The following NEDD4L variants were observed in gnomAD, a reference collection of about 807,000 sequenced individuals.
The protein encoded by NEDD4L is NEDD4 like E3 ubiquitin protein ligase, also known as E3 ubiquitin-protein ligase NEDD4-like.
A neutral mutation model predicts 148.9 loss-of-function variants in NEDD4L; 54 were observed. That is an observed-to-expected ratio of 0.36 (90% CI 0.29 to 0.45). NEDD4L has a LOEUF of 0.45. NEDD4L is among the 20% of genes least tolerant of loss of function. The probability of loss-of-function intolerance (pLI) is 1.00; values close to 1 mark genes in which losing one functional copy is unlikely to be tolerated. For synonymous variants in NEDD4L, 433 were observed against 440.7 expected (o/e 0.98, Z 0.22); for missense variants, 856 against 1,233.8 (o/e 0.69, Z 4.59).
At chr18:58,293,231 G>A (rs1007873941) in intron 5 of NEDD4L, among the ~76,000 whole-genome samples, 7 of 152,338 alleles carry the variant, frequency 4.6e-5, no homozygotes, top group Admixed American at 2.0e-4. Flanking sequence ...GTTTCTTCAG[G>A]TGGGGGGATA....
At chr18:58,142,835 A>AT (rs5825265) in intron 1 of NEDD4L, among the ~76,000 whole-genome samples, 30 of 151,132 alleles carry the variant, frequency 2.0e-4, no homozygotes, top group Non-Finnish European at 2.4e-4. Context: ...ACCTTTTATC[A>AT]TTTTTTTTTC....
At chr18:58,079,121 G>A (rs1287646571) in intron 1 of NEDD4L, among the ~76,000 whole-genome samples, 1 of 152,192 alleles carries the variant, frequency 6.6e-6, no homozygotes, top group African/African-American at 2.4e-5. Context: ...ATAACCAGCA[G>A]GTCCTGCTGA....
rs759228171 is a variant in NEDD4L, at chr18:58,115,229, TTTTCTTTC to T, written c.49-50547_49-50540del. Among the ~76,000 whole-genome samples the T allele has an allele frequency of 6.0e-5, 9 of 149,114 alleles. No homozygotes were observed. In the South Asian group the frequency reaches 1.5e-3, roughly 24 times the overall value. On this transcript the variant is annotated intron_variant, in intron 1 of 30. Transcript: ENST00000400345. ...TTCTTTTCTTTTTCATTCTTTTTTC[TTTTCTTTC>T]TTTCTTTCTTTTTTTTTTTTTTTTC...
At chr18:58,279,226 A>G (rs926710408) in intron 5 of NEDD4L, among the ~76,000 whole-genome samples, 1 of 152,184 alleles carries the variant, frequency 6.6e-6, no homozygotes, top group Non-Finnish European at 1.5e-5. Context: ...CCAAAGTGAT[A>G]CAGCCCCTGC....
intron 5 of NEDD4L, among the ~76,000 whole-genome samples, chr18:58,254,830 G>T (rs1477738195): frequency 6.6e-6 from 1 of 152,174 alleles, no homozygotes; most frequent in East Asian, 1.9e-4. Flanking sequence ...TAGCAAGTCG[G>T]GCCCCCTCCC....
At chr18:58,106,111 C>G (rs1473558501) in intron 1 of NEDD4L, among the ~76,000 whole-genome samples, 1 of 152,210 alleles carries the variant, frequency 6.6e-6, no homozygotes. Context: ...TCACCTGAGG[C>G]CCCATCTGGG....
chr18:58,365,674 TAC>T (rs1043889397), intron 20 of NEDD4L, among the ~76,000 whole-genome samples: 9 of 152,222 alleles, frequency 5.9e-5, no homozygotes, highest in African/African-American at 2.2e-4. Context: ...AAGCAACAGA[TAC>T]AGTCGACTGC....
chr18:58,284,188 T>G (rs1043941571), intron 5 of NEDD4L, among the ~76,000 whole-genome samples: 2 of 152,256 alleles, frequency 1.3e-5, no homozygotes, highest in African/African-American at 4.8e-5. Context: ...TTTAGCAAAC[T>G]AATATGCTAA....
intron 2 of NEDD4L, among the ~76,000 whole-genome samples, chr18:58,244,299 T>C (rs745904968): frequency 6.6e-6 from 1 of 152,214 alleles, no homozygotes; most frequent in South Asian, 2.1e-4. Context: ...AGAGATTGAA[T>C]ACATGAGAGC....
chr18:58,340,824 T>G, intron 13 of NEDD4L: 2 of 498,824 alleles, frequency 4.0e-6, no homozygotes, highest in Non-Finnish European at 6.9e-6. Flanking sequence ...TGTAAGAATT[T>G]GGACTCTGCA....
chr18:58,048,378 A>G (rs901447157), intron 1 of NEDD4L, among the ~76,000 whole-genome samples: 3 of 152,228 alleles, frequency 2.0e-5, no homozygotes, highest in African/African-American at 7.2e-5. Context: ...CCATGAGAGC[A>G]AAGTGCTAAG....
At chr18:58,361,787 T>A (rs142154210) in intron 19 of NEDD4L, among the ~76,000 whole-genome samples, 1 of 152,310 alleles carries the variant, frequency 6.6e-6, no homozygotes, top group East Asian at 1.9e-4. Context: ...TCAACAGATA[T>A]GTTCATTTTT....
rs947360546 is a variant in NEDD4L at position 58,329,070 on chromosome 18, C to T, written c.756C>T (p.Arg252=). Reference sequence around the variant, plus strand: ...CAGCACACCGGCGCTTCCGCTCCCGCAGGCACATCAGCGAAGACTTGGAGC... The same window carrying T: ...CAGCACACCGGCGCTTCCGCTCCCGTAGGCACATCAGCGAAGACTTGGAGC... ...QEAAHRRFRS[R]RHISEDLEPE... Residue 252 remains arginine, a synonymous_variant, in exon 10 of 31, where the codon CGC becomes CGT. Coordinates refer to ENST00000400345, the MANE Select transcript of NEDD4L (RefSeq NM_001144967.3). 20 of 1,613,924 alleles carry T rather than the reference C, an allele frequency of 1.2e-5. No individual in the cohort carries two copies. Among genetic ancestry groups the T allele is most frequent in the African/African-American group, 2.7e-5 (2 of 74,958 alleles).
chr18:58,214,028 T>A (rs2042877075), intron 2 of NEDD4L, among the ~76,000 whole-genome samples: 1 of 152,204 alleles, frequency 6.6e-6, no homozygotes, highest in Non-Finnish European at 1.5e-5. Context: ...CAGATGTGGC[T>A]CCTGCATGGC....
In NEDD4L at chr18:58,231,060, C is replaced by G. The variant is rs532584787; in HGVS notation, c.123-14367C>G. Among the ~76,000 whole-genome samples, 82 of 151,722 alleles carry G rather than the reference C, an allele frequency of 5.4e-4. 1 individual carries two copies. In the South Asian group the frequency reaches 0.017, roughly 31 times the overall value. The stretch of plus-strand genomic sequence containing the variant: ...GCCAGGAGTTTGCAACCAGCCTGGG[C>G]AACATGGGAAAACCCCTGTCTCTAC... On this transcript the variant is annotated intron_variant, in intron 2 of 30. Transcript: ENST00000400345.
intron 1 of NEDD4L, among the ~76,000 whole-genome samples, chr18:58,090,030 G>A (rs2083979419): frequency 6.6e-6 from 1 of 151,992 alleles, no homozygotes; most frequent in South Asian, 2.1e-4. Flanking sequence ...AGTAGAGACG[G>A]GGTTTCACCA....
chr18:58,101,156 A>G (rs1011864404), intron 1 of NEDD4L, among the ~76,000 whole-genome samples: 2 of 152,224 alleles, frequency 1.3e-5, no homozygotes, highest in African/African-American at 4.8e-5. Flanking sequence ...AATGGCTTCA[A>G]AAAATGTCAG....
chr18:58,148,885 A>G (rs1026619339), intron 1 of NEDD4L, among the ~76,000 whole-genome samples: 1 of 152,204 alleles, frequency 6.6e-6, no homozygotes, highest in Non-Finnish European at 1.5e-5. Flanking sequence ...GAATCTGTAT[A>G]TTTGATACTT....
chr18:58,380,714 C>A (rs1171076216), intron 24 of NEDD4L, among the ~76,000 whole-genome samples: 4 of 152,160 alleles, frequency 2.6e-5, no homozygotes, highest in Non-Finnish European at 4.4e-5. Context: ...TTAATGCTAT[C>A]CCTCCCCTAG....
Sources: gnomAD v4.1 joint callset for allele counts (sites outside exome capture counted in the v4.1 genomes callset) on GRCh38, gnomAD v4.1.1 for gene constraint, MANE v1.5 for transcripts, NCBI Gene and HGNC (gene_info 2026-07-23, HGNC 2026-07-21) for gene names.